Variants in YBX3 observed in about 807,000 individuals in gnomAD.
YBX3 encodes the protein Y-box-binding protein 3.
A neutral mutation model predicts 42.4 loss-of-function variants in YBX3; 29 were observed. That is an observed-to-expected ratio of 0.68 (90% CI 0.51 to 0.93). The LOEUF (loss-of-function observed/expected upper bound fraction) is 0.93, where lower values mean the gene tolerates loss of function less well. Among genes scored for constraint, YBX3 ranks in the 40% least tolerant of loss-of-function variants. The pLI, the probability that YBX3 is intolerant of heterozygous loss-of-function variation, is 0.00. For synonymous variants in YBX3, 195 were observed against 189.8 expected (o/e 1.03, Z -0.22); for missense variants, 517 against 527.5 (o/e 0.98, Z 0.19).
rs1948178918 is a variant in YBX3, at chr12:10,709,894, A to G, written c.780+14T>C. 1.2e-6 allele frequency: 2 copies of G among 1,613,402 alleles called. No homozygotes were observed. The highest frequency in any genetic ancestry group is 1.7e-6 in the Non-Finnish European group (2 of 1,179,918). On this transcript the variant is annotated intron_variant, in intron 6 of 9. Coordinates refer to ENST00000228251, the MANE Select transcript of YBX3 (RefSeq NM_003651.5). The stretch of plus-strand genomic sequence containing the variant: ...GTGAGGATTGCTGAAGAGAAGTCTC[A>G]GTTGCAATTTTACCTGTATTCTGTT...
At position 10,719,069 on chromosome 12, in the gene YBX3, C is replaced by T; in HGVS notation, c.326+11G>A. The stretch of plus-strand genomic sequence containing the variant: ...TAAACTTAAAACATGCAAATATACA[C>T]ACACACATACCGATTTATAAATCCA... On this transcript the variant is annotated intron_variant, in intron 2 of 9. Coordinates refer to ENST00000228251, the MANE Select transcript of YBX3 (RefSeq NM_003651.5). 6.2e-7 allele frequency: 1 copy of T among 1,611,538 alleles called. No individual in the cohort carries two copies. The highest frequency in any genetic ancestry group is 8.5e-7 in the Non-Finnish European group (1 of 1,178,230).
rs1379252216 is a variant in YBX3, at chr12:10,699,462, G to A, written c.*227C>T. The A allele has an allele frequency of 6.6e-6, 1 of 152,558 alleles. No individual in the cohort carries two copies. Among genetic ancestry groups the A allele is most frequent in the African/African-American group, 2.4e-5 (1 of 41,426 alleles). The allele number at this position is 152,558 out of a possible 1,614,324, so 9.5% of individuals were successfully genotyped here. On this transcript the variant is annotated 3_prime_UTR_variant, in exon 10 of 10. Coordinates refer to ENST00000228251, the MANE Select transcript of YBX3 (RefSeq NM_003651.5). Reference sequence around the variant, plus strand: ...TTGTCTTCCGTGCAGGAATTCCCAGGTTCTCAGCTTGCTGGAAAAATTTGT... The same window carrying A: ...TTGTCTTCCGTGCAGGAATTCCCAGATTCTCAGCTTGCTGGAAAAATTTGT...
chr12:10,722,704 C>T (rs1948343200), intron 1 of YBX3, 146 bp downstream of exon 1: 1 of 756,036 alleles, frequency 1.3e-6, no homozygotes. Context: ...CCGGAGACCC[C>T]TGGGGACCCG....
Position 10,713,272 on chromosome 12 carries a change from G to A in YBX3, c.512C>T (p.Ala171Val), listed in dbSNP as rs371143914. 16 of 1,613,960 alleles carry A rather than the reference G, an allele frequency of 9.9e-6. No homozygotes were observed. Among genetic ancestry groups the A allele is most frequent in the Non-Finnish European group, 1.4e-5 (16 of 1,180,034 alleles). ...DGVPVEGSRYAADRRRYRRGY... is the reference protein window; with the variant it reads ...DGVPVEGSRYVADRRRYRRGY... ...ACGTCTGTAACGGCGCCGATCTGCA[G>A]CGTAACGACTCCCTTCCACAGGAAC... is the stretch of plus-strand genomic sequence containing the variant. Residue 171 changes from alanine (A) to valine (V), a missense_variant, in exon 5 of 10, where the codon GCT (alanine) becomes GTT (valine). Ala to Val is a moderately conservative substitution (Grantham distance 64). This residue lies in a region of YBX3 where 420 missense variants were observed against 408.5 expected (regional missense o/e 1.03). Coordinates refer to ENST00000228251, the MANE Select transcript of YBX3 (RefSeq NM_003651.5).
At chr12:10,721,413 T>C (rs1003694182) in intron 1 of YBX3, among the ~76,000 whole-genome samples, 3 of 152,220 alleles carry the variant, frequency 2.0e-5, no homozygotes, top group African/African-American at 4.8e-5. Context: ...TAAGGTATCA[T>C]TAACAATGTT....
At chr12:10,705,594 A>G (rs1447142903) in intron 6 of YBX3, among the ~76,000 whole-genome samples, 4 of 152,196 alleles carry the variant, frequency 2.6e-5, no homozygotes, top group Non-Finnish European at 4.4e-5. Context: ...GATAATGTTC[A>G]CTTTGATAAG....
intron 7 of YBX3, 94 bp downstream of exon 7, chr12:10,703,957 T>A (rs1247976891): frequency 8.4e-7 from 1 of 1,189,270 alleles, no homozygotes; most frequent in African/African-American, 1.5e-5. Context: ...CTTCTAGATA[T>A]ATAATAAATC....
In YBX3 at chr12:10,702,422, G is replaced by A. The variant is rs563793718; in HGVS notation, c.879-288C>T. The A allele has an allele frequency of 6.7e-4, 123 of 184,064 alleles. 1 individual carries two copies. The highest frequency in any genetic ancestry group is 5.8e-3 in the Middle Eastern group (3 of 516). The allele number at this position is 184,064 out of a possible 1,614,324, so 11.4% of individuals were successfully genotyped here. A position where few individuals can be genotyped will look rare whatever the true frequency, so the allele number is the denominator to read the frequency against. On this transcript the variant is annotated intron_variant, in intron 7 of 9. Coordinates refer to ENST00000228251, the MANE Select transcript of YBX3 (RefSeq NM_003651.5). ...TGTAATCCCAGCTACCTGGGAGGCT[G>A]AGGCATAAGAATTGCTTGAATCCAT...
intron 5 of YBX3, chr12:10,712,775 C>T (rs1948213779): frequency 6.5e-6 from 1 of 152,906 alleles, no homozygotes; most frequent in Non-Finnish European, 1.5e-5. Flanking sequence ...AACCTCAGCA[C>T]TGTCTCCCTT....
At chr12:10,713,470 G>A in intron 4 of YBX3, 137 bp from the exon 5 acceptor site, 1 of 1,121,148 alleles carries the variant, frequency 8.9e-7, no homozygotes, top group Non-Finnish European at 1.2e-6. Flanking sequence ...ACAGATCTAG[G>A]TTTTAAACAA....
In YBX3 at chr12:10,723,258, G is replaced by T. The variant is rs1591587358; in HGVS notation, c.-147C>A. On this transcript the variant is annotated 5_prime_UTR_variant, in exon 1 of 10. Transcript: ENST00000228251. ...AGGCGGCGGCGGCCGAGGTGGGGTC[G>T]CGCGGCGGAGGCGGCTCGAGCTTCG... The T allele has an allele frequency of 8.7e-7, 1 of 1,143,596 alleles. No homozygotes were observed. Among genetic ancestry groups the T allele is most frequent in the Non-Finnish European group, 1.1e-6 (1 of 925,360 alleles). The allele number at this position is 1,143,596 out of a possible 1,614,324, so 70.8% of individuals were successfully genotyped here.
intron 5 of YBX3, chr12:10,711,654 A>G (rs1565589345): frequency 6.6e-6 from 1 of 152,128 alleles, no homozygotes; most frequent in South Asian, 2.1e-4. Flanking sequence ...TGCTGAACAC[A>G]CTCTTTTGAG....
intron 2 of YBX3, among the ~76,000 whole-genome samples, chr12:10,718,624 T>C (rs1283107747): frequency 6.6e-6 from 1 of 152,078 alleles, no homozygotes; most frequent in African/African-American, 2.4e-5. Flanking sequence ...TCCCAGCATC[T>C]TGTAGTTATG....
intron 1 of YBX3, chr12:10,721,836 T>C (rs996786290): frequency 1.3e-5 from 2 of 152,224 alleles, no homozygotes; most frequent in Non-Finnish European, 2.9e-5. Context: ...GCGAACGATA[T>C]GGACACACAC....
At chr12:10,719,804 G>A (rs563021827) in intron 1 of YBX3, among the ~76,000 whole-genome samples, 5 of 152,204 alleles carry the variant, frequency 3.3e-5, no homozygotes, top group African/African-American at 7.2e-5. Context: ...ACAGTTTTGC[G>A]AATCAAACTT....
At chr12:10,719,997 T>C (rs936761058) in intron 1 of YBX3, among the ~76,000 whole-genome samples, 1 of 152,216 alleles carries the variant, frequency 6.6e-6, no homozygotes, top group Non-Finnish European at 1.5e-5. Flanking sequence ...AATATGATCT[T>C]TGGAATCAAT....
chr12:10,722,511 C>A (rs939549655), intron 1 of YBX3: 10 of 185,332 alleles, frequency 5.4e-5, no homozygotes, highest in African/African-American at 1.2e-4. Context: ...CCTCTCCTTT[C>A]TTCTCCAAAC....
intron 2 of YBX3, chr12:10,718,509 A>G: frequency 5.4e-6 from 1 of 183,936 alleles, no homozygotes; most frequent in Non-Finnish European, 1.1e-5. Context: ...AACTTAAAAC[A>G]GCCCCCCACC....
At chr12:10,713,167 T>A (rs756169754) in intron 5 of YBX3, 44 bp downstream of exon 5, 8 of 1,584,354 alleles carry the variant, frequency 5.0e-6, no homozygotes, top group Admixed American at 1.8e-5. Flanking sequence ...ATTCCATGCA[T>A]GAACAATTTC....
Sources: gnomAD v4.1 joint callset for allele counts (sites outside exome capture counted in the v4.1 genomes callset) on GRCh38, gnomAD v4.1.1 for gene constraint, gnomAD v4.1.1 regional missense constraint, MANE v1.5 for transcripts, NCBI Gene and HGNC (gene_info 2026-07-23, HGNC 2026-07-21) for gene names.